LGMN: variants seen among roughly 807,000 people sequenced by gnomAD.
LGMN encodes legumain.
In LGMN, 36 loss-of-function variants were observed where a neutral mutation model predicts 56.8. The ratio of observed to expected loss-of-function variants is 0.63; its 90% CI spans 0.49 to 0.84. The LOEUF (loss-of-function observed/expected upper bound fraction) is 0.84. LGMN is among the 40% of genes least tolerant of loss of function. The pLI, the probability that LGMN is intolerant of heterozygous loss-of-function variation, is 0.00. For missense variants in LGMN, 446 were observed against 556.1 expected (o/e 0.80, Z 1.99); for synonymous variants, 199 against 210.1 (o/e 0.95, Z 0.46).
chr14:92,730,176 C>A (rs565187769), intron 2 of LGMN, among the ~76,000 whole-genome samples: 38 of 152,242 alleles, frequency 2.5e-4, no homozygotes, highest in African/African-American at 9.1e-4. Context: ...GAGAAGAAAA[C>A]TGAGAGCTGA....
chr14:92,709,727 G>T lies in LGMN; in HGVS notation c.965C>A (p.Thr322Asn). The T allele has an allele frequency of 6.2e-7, 1 of 1,614,062 alleles. No individual in the cohort carries two copies. The highest frequency in any genetic ancestry group is 8.5e-7 in the Non-Finnish European group (1 of 1,179,964). The change falls in exon 11 of 14, where the codon ACC becomes AAC. Residue 322 changes from threonine to asparagine, a missense_variant. Coordinates refer to ENST00000334869, the MANE Select transcript of LGMN (RefSeq NM_005606.7). Reference sequence around the variant, plus strand: ...CTGCCTGGACTCCTCCAGATCATTGGTGTTCATCAGTTTCCTTTTCATGAT... The same window carrying T: ...CTGCCTGGACTCCTCCAGATCATTGTTGTTCATCAGTTTCCTTTTCATGAT... ...LTIMKRKLMN[T>N]NDLEESRQLT...
chr14:92,714,559 G>C lies in LGMN; in HGVS notation c.405-108C>G, dbSNP rs1244035121. On this transcript the variant is annotated intron_variant, in intron 5 of 13. Transcript: ENST00000334869. This position sits in a 1 kb window ranked among gnomAD's most constrained non-coding sequence, Gnocchi z 5.1. ...ATTAAGAAGTTTGGGGAGTAGAGTTGCCCAACCAGGTTTGAAGATGAACAC... is the reference window on the plus strand; with the variant it reads ...ATTAAGAAGTTTGGGGAGTAGAGTTCCCCAACCAGGTTTGAAGATGAACAC... 6.5e-6 allele frequency: 5 copies of C among 764,504 alleles called. No homozygotes were observed. Among genetic ancestry groups the C allele is most frequent in the Non-Finnish European group, 8.6e-6 (4 of 464,352 alleles). 47.4% of individuals were successfully genotyped at this position (764,504 alleles called of 1,614,324 possible). A position where few individuals can be genotyped will look rare whatever the true frequency, so the allele number is the denominator to read the frequency against.
intron 2 of LGMN, among the ~76,000 whole-genome samples, chr14:92,720,938 G>A (rs1020766636): frequency 1.3e-5 from 2 of 151,756 alleles, no homozygotes; most frequent in Admixed American, 6.6e-5. Context: ...TCTCCCAGGC[G>A]GGAGTGCACA....
intron 9 of LGMN, 24 bp from the exon 10 acceptor site, chr14:92,711,772 G>C (rs368686883): frequency 6.2e-7 from 1 of 1,612,610 alleles, no homozygotes; most frequent in South Asian, 1.1e-5. Flanking sequence ...GACCATTAGA[G>C]ACCTTTGACA....
At chr14:92,717,552 A>G (rs1341221872) in intron 3 of LGMN, 91 bp from the exon 4 acceptor site, 6 of 965,608 alleles carry the variant, frequency 6.2e-6, no homozygotes, top group Non-Finnish European at 8.3e-6. Context: ...AAAAAATAGT[A>G]AACGTCTATG....
intron 11 of LGMN, 34 bp from the exon 12 acceptor site, chr14:92,706,687 C>G: frequency 6.6e-7 from 1 of 1,525,860 alleles, no homozygotes; most frequent in South Asian, 1.2e-5. Context: ...GAATGTGCCT[C>G]CCTGAATGCG....
At position 92,733,488 on chromosome 14, in the gene LGMN, T is replaced by C. The variant is rs1891156485; in HGVS notation, c.-29-673A>G. ...AACATATCTACCACATACTATGAAG[T>C]ATTTGTAAGAAAAGAATATACATGT... is the stretch of plus-strand genomic sequence containing the variant. On this transcript the variant is annotated intron_variant, in intron 1 of 13. Coordinates refer to ENST00000334869, the MANE Select transcript of LGMN (RefSeq NM_005606.7). Among the ~76,000 whole-genome samples, 3 of 152,326 alleles carry C rather than the reference T, an allele frequency of 2.0e-5. No individual in the cohort carries two copies. In the South Asian group the frequency reaches 6.2e-4, roughly 32 times the overall value.
In LGMN at chr14:92,719,302, A is replaced by ACCG. The variant is rs1280163911; in HGVS notation, c.139-461_139-459dup. Among the ~76,000 whole-genome samples, 191 of 43,244 alleles carry ACCG rather than the reference A, an allele frequency of 4.4e-3. 2 individuals carry two copies. The highest frequency in any genetic ancestry group is 0.012 in the South Asian group (14 of 1,136). 28.4% of individuals were successfully genotyped at this position (43,244 alleles called of 152,430 possible). A position where few individuals can be genotyped will look rare whatever the true frequency, so the allele number is the denominator to read the frequency against. On this transcript the variant is annotated intron_variant, in intron 2 of 13. Coordinates refer to ENST00000334869, the MANE Select transcript of LGMN (RefSeq NM_005606.7). ...CACCGCCGCCGCCGCCGCCGCCGCC[A>ACCG]CCGCCGCCACCGCCGCCGCCGCCAC...
chr14:92,729,465 A>ACCCCC (rs1890919898), intron 2 of LGMN, among the ~76,000 whole-genome samples: 1 of 18,124 alleles, frequency 5.5e-5, no homozygotes, highest in Non-Finnish European at 9.0e-5. Context: ...ACCTCAGATC[A>ACCCCC]CGCCCCCCCC....
At chr14:92,731,020 C>G (rs1891024027) in intron 2 of LGMN, among the ~76,000 whole-genome samples, 1 of 151,960 alleles carries the variant, frequency 6.6e-6, no homozygotes, top group South Asian at 2.1e-4. Flanking sequence ...TTTTACCAGA[C>G]AGGGCTGCTC....
chr14:92,735,106 A>C (rs1891236824), intron 1 of LGMN, among the ~76,000 whole-genome samples: 1 of 152,160 alleles, frequency 6.6e-6, no homozygotes, highest in Non-Finnish European at 1.5e-5. Context: ...GAGTCTTGAA[A>C]AGTGTCTTAG....
chr14:92,731,467 C>A lies in LGMN; in HGVS notation c.138+1182G>T, dbSNP rs142382960. 2.1e-3 allele frequency among the ~76,000 whole-genome samples: 327 copies of A among 152,336 alleles called. 1 individual carries two copies. The highest frequency in any genetic ancestry group is 0.01 in the Middle Eastern group (3 of 294). ...CATCGGCAATTACTCCCCAGTCTCT[C>A]CTTCACCCAGCCCTTGGCAACTACT... is the stretch of plus-strand genomic sequence containing the variant. On this transcript the variant is annotated intron_variant, in intron 2 of 13. Transcript: ENST00000334869.
intron 2 of LGMN, among the ~76,000 whole-genome samples, chr14:92,719,302 A>G (rs184843394): frequency 0.014 from 599 of 43,004 alleles, 20 homozygotes; most frequent in African/African-American, 0.028. Flanking sequence ...CGCCGCCGCC[A>G]CCGCCGCCAC....
rs757767022 is a variant in LGMN, at chr14:92,704,205, G to A, written c.*114C>T. ...GTCCTGGAGCGAGCCCTGGAGCGGG[G>A]GCTCCCCAGGAGGGCCCGAGCAGCG... On this transcript the variant is annotated 3_prime_UTR_variant, in exon 14 of 14. Transcript: ENST00000334869. The A allele has an allele frequency of 5.2e-6, 7 of 1,355,086 alleles. No individual in the cohort carries two copies. Among genetic ancestry groups the A allele is most frequent in the Non-Finnish European group, 7.4e-6 (7 of 945,094 alleles). The allele number at this position is 1,355,086 out of a possible 1,614,324, so 83.9% of individuals were successfully genotyped here.
At position 92,713,863 on chromosome 14, in the gene LGMN, T is replaced by G; in HGVS notation, c.503A>C (p.Glu168Ala). The G allele has an allele frequency of 6.2e-7, 1 of 1,613,112 alleles. No individual in the cohort carries two copies. Among genetic ancestry groups the G allele is most frequent in the Non-Finnish European group, 8.5e-7 (1 of 1,179,028 alleles). The change falls in exon 7 of 14, where the codon GAG (glutamate) becomes GCG (alanine). Residue 168 changes from glutamate to alanine, a missense_variant. Coordinates refer to ENST00000334869, the MANE Select transcript of LGMN (RefSeq NM_005606.7). ...GTGTTTGTACATGTAATGGATGGTCTCATTCAGGTCCTTTACATGAAGCTG... is the reference window on the plus strand; with the variant it reads ...GTGTTTGTACATGTAATGGATGGTCGCATTCAGGTCCTTTACATGAAGCTG... ...NEDLHVKDLN[E>A]TIHYMYKHKM...
At chr14:92,737,458 C>G (rs1443013977) in intron 1 of LGMN, among the ~76,000 whole-genome samples, 1 of 152,198 alleles carries the variant, frequency 6.6e-6, no homozygotes. Context: ...GCTACTCCCT[C>G]CCACCTGGGG....
intron 2 of LGMN, among the ~76,000 whole-genome samples, chr14:92,723,920 T>C (rs112990513): frequency 7.2e-5 from 11 of 152,206 alleles, no homozygotes; most frequent in African/African-American, 2.6e-4. Context: ...TTAGTAGAAA[T>C]TGGGTTTTAC....
At chr14:92,722,717 G>T (rs923349312) in intron 2 of LGMN, among the ~76,000 whole-genome samples, 1 of 152,074 alleles carries the variant, frequency 6.6e-6, no homozygotes, top group South Asian at 2.1e-4. Context: ...AACATATATC[G>T]GATAAAGGGC....
chr14:92,742,442 C>T (rs769758072), intron 1 of LGMN, among the ~76,000 whole-genome samples: 1 of 152,040 alleles, frequency 6.6e-6, no homozygotes, highest in Non-Finnish European at 1.5e-5. Flanking sequence ...AGATTACAGG[C>T]ATACACCACC....
Sources: allele counts gnomAD v4.1 joint callset (sites outside exome capture counted in the v4.1 genomes callset), GRCh38; gene constraint gnomAD v4.1.1; non-coding constraint Gnocchi (gnomAD v3.1); transcripts MANE v1.5; gene names NCBI Gene and HGNC (gene_info 2026-07-23, HGNC 2026-07-21).